MDGA2: variants seen among roughly 807,000 people sequenced by gnomAD.
MDGA2 encodes the protein MAM domain containing glycosylphosphatidylinositol anchor 2.
Under a neutral mutation model 117.8 loss-of-function variants are expected in MDGA2, and 40 were observed. The ratio of observed to expected loss-of-function variants is 0.34; its 90% CI spans 0.26 to 0.44. The LOEUF (loss-of-function observed/expected upper bound fraction) is 0.44. MDGA2 is among the 20% of genes least tolerant of loss of function. The pLI is 1.00. For synonymous variants in MDGA2, 452 were observed against 439.0 expected, an observed-to-expected ratio of 1.03 and a Z score of -0.37; for missense variants, 1,123 against 1,250.6, an observed-to-expected ratio of 0.90 and a Z score of 1.54.
intron 2 of MDGA2, chr14:47,299,239 G>C (rs1566727399): frequency 6.6e-6 from 1 of 152,132 alleles, no homozygotes; most frequent in South Asian, 2.1e-4. Flanking sequence ...TGATAAAAAG[G>C]GAAAATGTAT....
intron 1 of MDGA2, among the ~76,000 whole-genome samples, chr14:47,629,875 G>A (rs1897221339): frequency 6.6e-6 from 1 of 152,058 alleles, no homozygotes; most frequent in African/African-American, 2.4e-5. Context: ...ATCACCCAAA[G>A]GATCTCATTA....
intron 1 of MDGA2, among the ~76,000 whole-genome samples, chr14:47,386,642 C>T (rs372512315): frequency 3.5e-4 from 53 of 152,188 alleles, no homozygotes; most frequent in East Asian, 2.5e-3. Context: ...AGACAAGTAC[C>T]AAGACTATCA....
intron 5 of MDGA2, among the ~76,000 whole-genome samples, chr14:47,122,766 C>T (rs1881718421): frequency 1.3e-5 from 2 of 151,876 alleles, no homozygotes; most frequent in South Asian, 4.2e-4. Context: ...TTCACTAGAC[C>T]AGTAAAACTC....
chr14:47,304,445 G>A lies in MDGA2; in HGVS notation c.281-2895C>T, dbSNP rs576239330. On this transcript the variant is annotated intron_variant, in intron 1 of 16. Coordinates refer to ENST00000399232, the MANE Select transcript of MDGA2 (RefSeq NM_001113498.3). ...CAAACTAGACCCAGACCTAGACTAG[G>A]CTAGGGGTATAAAAAACTATTGAGA... Among the ~76,000 whole-genome samples the A allele has an allele frequency of 7.8e-4, 119 of 152,116 alleles. 2 individuals carry two copies. Among genetic ancestry groups the A allele is most frequent in the Middle Eastern group, 3.4e-3 (1 of 294 alleles).
intron 12 of MDGA2, among the ~76,000 whole-genome samples, chr14:46,876,009 C>G (rs1276544523): frequency 6.6e-6 from 1 of 151,310 alleles, no homozygotes; most frequent in Non-Finnish European, 1.5e-5. Flanking sequence ...ATATTTAAGT[C>G]TTTCATAGTA....
intron 1 of MDGA2, among the ~76,000 whole-genome samples, chr14:47,521,383 T>G (rs1187156330): frequency 6.6e-6 from 1 of 152,214 alleles, no homozygotes; most frequent in African/African-American, 2.4e-5. Context: ...GATGCACTGC[T>G]AAGTTATTTA....
At chr14:46,925,713 C>T (rs368467118) in intron 9 of MDGA2, among the ~76,000 whole-genome samples, 14 of 142,608 alleles carry the variant, frequency 9.8e-5, no homozygotes, top group East Asian at 2.0e-4. Context: ...AAAATATAAA[C>T]GAACACCATG....
At chr14:47,405,859 T>C (rs17118553) in intron 1 of MDGA2, among the ~76,000 whole-genome samples, 31,904 of 152,102 alleles carry the variant, frequency 0.21, 3,563 homozygotes, top group South Asian at 0.4. Flanking sequence ...CAAAACATTA[T>C]TTATGTTCAT....
At chr14:47,228,166 A>G (rs1389721330) in intron 2 of MDGA2, among the ~76,000 whole-genome samples, 1 of 152,178 alleles carries the variant, frequency 6.6e-6, no homozygotes, top group Non-Finnish European at 1.5e-5. Flanking sequence ...TATCTTAGTT[A>G]TAAAAAAAAA....
intron 1 of MDGA2, among the ~76,000 whole-genome samples, chr14:47,603,842 G>A (rs1053984657): frequency 2.6e-5 from 4 of 152,142 alleles, no homozygotes; most frequent in South Asian, 2.1e-4. Context: ...CCTTGGTAAC[G>A]AGTGCTTTCT....
intron 1 of MDGA2, among the ~76,000 whole-genome samples, chr14:47,448,790 G>T (rs1170168647): frequency 1.3e-5 from 2 of 152,170 alleles, no homozygotes; most frequent in Admixed American, 1.3e-4. Context: ...AAAAGTTTCA[G>T]TGGTCCAGGA....
chr14:47,150,383 G>C (rs541940519), intron 3 of MDGA2, among the ~76,000 whole-genome samples: 1 of 152,156 alleles, frequency 6.6e-6, no homozygotes, highest in African/African-American at 2.4e-5. Context: ...TTTGTATTTT[G>C]CCAAAGAGGT....
intron 1 of MDGA2, among the ~76,000 whole-genome samples, chr14:47,359,269 G>A (rs545766465): frequency 3.6e-4 from 55 of 151,974 alleles, no homozygotes; most frequent in South Asian, 6.2e-4. Flanking sequence ...CAGGAGAATC[G>A]CTTGAACCCG....
chr14:47,461,662 G>T (rs1893489156), intron 1 of MDGA2, among the ~76,000 whole-genome samples: 1 of 151,224 alleles, frequency 6.6e-6, no homozygotes, highest in South Asian at 2.1e-4. Context: ...CCATAAGTAG[G>T]CATCAAAAAT....
intron 1 of MDGA2, among the ~76,000 whole-genome samples, chr14:47,474,616 C>A (rs867627630): frequency 6.6e-6 from 1 of 152,052 alleles, no homozygotes; most frequent in South Asian, 2.1e-4. Context: ...CAAAACGTCA[C>A]GGTACTGGTC....
chr14:47,638,130 GGTCCATGCTAA>G (rs1206313094), intron 1 of MDGA2, among the ~76,000 whole-genome samples: 1 of 152,092 alleles, frequency 6.6e-6, no homozygotes, highest in East Asian at 1.9e-4. Flanking sequence ...GTAGAAAAGG[GGTCCATGCTAA>G]GTCTGTACGT....
chr14:47,419,876 T>G (rs1892544098), intron 1 of MDGA2, among the ~76,000 whole-genome samples: 1 of 152,060 alleles, frequency 6.6e-6, no homozygotes, highest in Admixed American at 6.5e-5. Flanking sequence ...GTCATACTTA[T>G]CAAAGGTTGA....
chr14:47,249,594 G>A (rs1887377194), intron 2 of MDGA2, among the ~76,000 whole-genome samples: 1 of 152,112 alleles, frequency 6.6e-6, no homozygotes, highest in African/African-American at 2.4e-5. Context: ...GCAGAGTGCT[G>A]GGATTACAGG....
chr14:47,569,231 T>C (rs1029839466), intron 1 of MDGA2, among the ~76,000 whole-genome samples: 2 of 152,228 alleles, frequency 1.3e-5, no homozygotes, highest in Non-Finnish European at 2.9e-5. Context: ...ACATTAATAC[T>C]GGATTATGAA....
Sources: allele counts gnomAD v4.1 joint callset (sites outside exome capture counted in the v4.1 genomes callset), GRCh38; gene constraint gnomAD v4.1.1; transcripts MANE v1.5; gene names NCBI Gene and HGNC (gene_info 2026-07-23, HGNC 2026-07-21).